The following TFB2M variants were observed in gnomAD, a reference collection of about 807,000 sequenced individuals.
TFB2M encodes the protein transcription factor B2, mitochondrial.
TFB2M carries 44 observed loss-of-function variants against 41.3 expected under a neutral mutation model. The ratio of observed to expected loss-of-function variants is 1.07; its 90% CI spans 0.84 to 1.37. The LOEUF (loss-of-function observed/expected upper bound fraction) is 1.37. Among genes scored for constraint, TFB2M ranks in the 40% most tolerant of loss-of-function variants. The pLI, the probability that TFB2M is intolerant of heterozygous loss-of-function variation, is 0.00. For missense variants in TFB2M, 496 were observed against 490.2 expected, an observed-to-expected ratio of 1.01 and a Z score of -0.11; for synonymous variants, 188 against 176.8, an observed-to-expected ratio of 1.06 and a Z score of -0.50.
intron 6 of TFB2M, among the ~76,000 whole-genome samples, chr1:246,546,831 G>A (rs1039174934): frequency 4.6e-5 from 7 of 151,880 alleles, no homozygotes; most frequent in Admixed American, 2.6e-4. Context: ...CCTGTTAAAT[G>A]TCTCAAACTG....
chr1:246,548,862 A>C (rs1274704450), intron 5 of TFB2M, among the ~76,000 whole-genome samples: 2 of 152,268 alleles, frequency 1.3e-5, no homozygotes, highest in Non-Finnish European at 2.9e-5. Flanking sequence ...TTATGCAATT[A>C]CGCAAATAAG....
Position 246,562,904 on chromosome 1 carries a change from C to T in TFB2M, c.402+1442G>A, listed in dbSNP as rs373179594. On this transcript the variant is annotated intron_variant, in intron 2 of 7. Coordinates refer to ENST00000366514, the MANE Select transcript of TFB2M (RefSeq NM_022366.3). ...CAATCTCTTAACCTAGTGATCCGCCCGCCTCTGCCTCCCGAAGTGCTGGGA... is the reference window on the plus strand; with the variant it reads ...CAATCTCTTAACCTAGTGATCCGCCTGCCTCTGCCTCCCGAAGTGCTGGGA... 1.1e-4 allele frequency among the ~76,000 whole-genome samples: 16 copies of T among 152,232 alleles called. No homozygotes were observed. The South Asian group carries it at 1.7e-3, about 16-fold the overall frequency.
chr1:246,560,355 C>T (rs543914795), intron 2 of TFB2M, among the ~76,000 whole-genome samples: 16 of 152,134 alleles, frequency 1.1e-4, no homozygotes, highest in Non-Finnish European at 2.4e-4. Context: ...AACCCTGTCT[C>T]TACTAATAAT....
In TFB2M at chr1:246,566,253, G is replaced by T; in HGVS notation, c.-115C>A. 9.7e-7 allele frequency: 1 copy of T among 1,033,610 alleles called. No homozygotes were observed. Among genetic ancestry groups the T allele is most frequent in the Non-Finnish European group, 1.4e-6 (1 of 714,828 alleles). 64.0% of individuals were successfully genotyped at this position (1,033,610 alleles called of 1,614,324 possible). On this transcript the variant is annotated 5_prime_UTR_variant, in exon 1 of 8. Coordinates refer to ENST00000366514, the MANE Select transcript of TFB2M (RefSeq NM_022366.3). The stretch of plus-strand genomic sequence containing the variant: ...GGCGTCCGGGCCAGGTCAAGCGGAA[G>T]TAAACACTAGAGCCTGCGCATGCGA...
chr1:246,556,219 C>A (rs899593067), intron 4 of TFB2M, among the ~76,000 whole-genome samples: 5 of 152,150 alleles, frequency 3.3e-5, no homozygotes, highest in Admixed American at 2.6e-4. Context: ...AGTAAACTTA[C>A]ATGAGGTAAA....
intron 6 of TFB2M, among the ~76,000 whole-genome samples, chr1:246,547,979 G>A (rs754527928): frequency 1.4e-5 from 2 of 143,214 alleles, no homozygotes; most frequent in African/African-American, 5.2e-5. Flanking sequence ...ACAGAGTCTC[G>A]CTCTGTTGTC....
At chr1:246,545,215 T>C (rs1572084102) in intron 6 of TFB2M, among the ~76,000 whole-genome samples, 2 of 152,266 alleles carry the variant, frequency 1.3e-5, no homozygotes, top group East Asian at 3.9e-4. Flanking sequence ...AGGGAGGAGA[T>C]AACGTCTCTC....
intron 5 of TFB2M, among the ~76,000 whole-genome samples, chr1:246,549,276 T>C (rs189661440): frequency 5.0e-4 from 76 of 152,240 alleles, no homozygotes; most frequent in Non-Finnish European, 5.6e-4. Flanking sequence ...ATTTTGTGCA[T>C]AAGGCAATTT....
In TFB2M at chr1:246,556,602, T is replaced by A. The variant is rs1659328218; in HGVS notation, c.676A>T (p.Asn226Tyr). The part of the protein sequence containing the change: ...SIYKFGRIEV[N>Y]MFIGEKEFQK... ...AATTCTTTTTCACCAATAAACATAT[T>A]TACTTCTATTCGTCCAAATTTATAT... The change falls in exon 4 of 8, where the codon AAT (asparagine) becomes TAT (tyrosine). Residue 226 changes from asparagine (N) to tyrosine (Y), a missense_variant. By Grantham distance (143) the Asn-to-Tyr change is moderately radical (BLOSUM62 -2). Transcript: ENST00000366514. The A allele has an allele frequency of 6.5e-7, 1 of 1,530,264 alleles. No homozygotes were observed. Among genetic ancestry groups the A allele is most frequent in the Non-Finnish European group, 8.8e-7 (1 of 1,138,998 alleles). 94.8% of individuals were successfully genotyped at this position (1,530,264 alleles called of 1,614,324 possible).
At chr1:246,552,022 A>C (rs188609673) in intron 4 of TFB2M, among the ~76,000 whole-genome samples, 1 of 152,344 alleles carries the variant, frequency 6.6e-6, no homozygotes, top group Non-Finnish European at 1.5e-5. Flanking sequence ...AATCCATAGC[A>C]ATACAAATAA....
Position 246,566,246 on chromosome 1 carries a change from A to G in TFB2M, c.-108T>C. 6.9e-6 allele frequency: 8 copies of G among 1,162,058 alleles called. No individual in the cohort carries two copies. The highest frequency in any genetic ancestry group is 4.6e-5 in the South Asian group (3 of 64,620). 72.0% of individuals were successfully genotyped at this position (1,162,058 alleles called of 1,614,324 possible). ...ATTTTCTGGCGTCCGGGCCAGGTCA[A>G]GCGGAAGTAAACACTAGAGCCTGCG... On this transcript the variant is annotated 5_prime_UTR_variant, in exon 1 of 8. Coordinates refer to ENST00000366514, the MANE Select transcript of TFB2M (RefSeq NM_022366.3).
In TFB2M at chr1:246,560,901, C is replaced by G. The variant is rs371804123; in HGVS notation, c.403-3367G>C. Among the ~76,000 whole-genome samples, 146 of 152,244 alleles carry G rather than the reference C, an allele frequency of 9.6e-4. 1 individual carries two copies. Among genetic ancestry groups the G allele is most frequent in the African/African-American group, 3.2e-3 (135 of 41,546 alleles). Reference sequence around the variant, plus strand: ...GGCTGAGGCGGGCGGATCACGAGGTCAGGAGTTCCAGACCAGTCTGGCCAA... The same window carrying G: ...GGCTGAGGCGGGCGGATCACGAGGTGAGGAGTTCCAGACCAGTCTGGCCAA... On this transcript the variant is annotated intron_variant, in intron 2 of 7. Coordinates refer to ENST00000366514, the MANE Select transcript of TFB2M (RefSeq NM_022366.3).
chr1:246,566,178 C>T lies in TFB2M; in HGVS notation c.-40G>A. 6.4e-7 allele frequency: 1 copy of T among 1,572,676 alleles called. No homozygotes were observed. Among genetic ancestry groups the T allele is most frequent in the Non-Finnish European group, 8.7e-7 (1 of 1,153,968 alleles). On this transcript the variant is annotated 5_prime_UTR_variant, in exon 1 of 8. Coordinates refer to ENST00000366514, the MANE Select transcript of TFB2M (RefSeq NM_022366.3). ...GGCCCGCTCCAAGAATCACCTAGTG[C>T]AGCTACTACAGTGAACCCCACGCAG...
At chr1:246,553,410 C>T (rs1028673590) in intron 4 of TFB2M, among the ~76,000 whole-genome samples, 3 of 152,172 alleles carry the variant, frequency 2.0e-5, no homozygotes, top group African/African-American at 7.2e-5. Flanking sequence ...TGGCTCACAC[C>T]TGCAATCCCA....
At chr1:246,548,844 T>A (rs1248533160) in intron 5 of TFB2M, among the ~76,000 whole-genome samples, 2 of 152,224 alleles carry the variant, frequency 1.3e-5, no homozygotes, top group African/African-American at 4.8e-5. Context: ...TAAACATGAC[T>A]TCGCCTGTTA....
chr1:246,565,688 G>C, intron 1 of TFB2M, 138 bp downstream of exon 1: 1 of 981,094 alleles, frequency 1.0e-6, no homozygotes, highest in Non-Finnish European at 1.5e-6. Flanking sequence ...CTCCAGCCTG[G>C]CAACACAGCG....
chr1:246,544,457 T>C (rs1306602917), intron 7 of TFB2M, 64 bp downstream of exon 7: 10 of 1,410,400 alleles, frequency 7.1e-6, no homozygotes, highest in East Asian at 4.8e-5. Context: ...AATAGATCTC[T>C]AGCATGAAAG....
intron 3 of TFB2M, 53 bp from the exon 4 acceptor site, chr1:246,556,774 T>C: frequency 6.9e-7 from 1 of 1,439,670 alleles, no homozygotes; most frequent in Non-Finnish European, 9.3e-7. Context: ...CATTTTGTCC[T>C]ATGTCCATAT....
In TFB2M at chr1:246,550,277, G is replaced by A. The variant is rs372690428; in HGVS notation, c.795+936C>T. On this transcript the variant is annotated intron_variant, in intron 5 of 7. Coordinates refer to ENST00000366514, the MANE Select transcript of TFB2M (RefSeq NM_022366.3). ...TAGAGAAACCAAGAACTATAGTACT[G>A]AGAGTACAATATACAGTGCAGGCAG... 2.0e-5 allele frequency among the ~76,000 whole-genome samples: 3 copies of A among 152,248 alleles called. No homozygotes were observed. The South Asian group carries it at 6.2e-4, about 32-fold the overall frequency.
Sources: gnomAD v4.1 joint callset for allele counts (sites outside exome capture counted in the v4.1 genomes callset) on GRCh38, gnomAD v4.1.1 for gene constraint, MANE v1.5 for transcripts, NCBI Gene and HGNC (gene_info 2026-07-23, HGNC 2026-07-21) for gene names.